The following RALY variants were observed in gnomAD, a reference collection of about 807,000 sequenced individuals.
RALY encodes RALY heterogeneous nuclear ribonucleoprotein.
RALY carries 15 observed loss-of-function variants against 30.7 expected under a neutral mutation model. The observed-to-expected ratio is 0.49, with a 90% CI of 0.33 to 0.75. The LOEUF is 0.75. Among genes scored for constraint, RALY ranks in the 30% least tolerant of loss-of-function variants. The probability of loss-of-function intolerance (pLI) is 0.02; values close to 1 mark genes in which losing one functional copy is unlikely to be tolerated. For missense variants in RALY, 339 were observed against 414.3 expected, an observed-to-expected ratio of 0.82 and a Z score of 1.58; for synonymous variants, 177 against 170.8, an observed-to-expected ratio of 1.04 and a Z score of -0.28.
intron 2 of RALY, among the ~76,000 whole-genome samples, chr20:34,032,529 G>A (rs2032324307): frequency 6.6e-6 from 1 of 151,806 alleles, no homozygotes; most frequent in African/African-American, 2.4e-5. Flanking sequence ...TTTTATTTTT[G>A]TTTTTGGGAG....
chr20:34,003,200 A>G (rs973096227), intron 1 of RALY, among the ~76,000 whole-genome samples: 6 of 152,144 alleles, frequency 3.9e-5, no homozygotes, highest in Admixed American at 1.3e-4. Context: ...GGTCTGGAAT[A>G]ATAAGGCCAT....
chr20:34,006,843 G>A (rs1338044778), intron 1 of RALY, among the ~76,000 whole-genome samples: 3 of 152,152 alleles, frequency 2.0e-5, no homozygotes, highest in Non-Finnish European at 4.4e-5. Flanking sequence ...GGATGAAATC[G>A]CCTAATGATG....
At chr20:34,016,700 T>C (rs753925095) in intron 1 of RALY, 6 of 152,274 alleles carry the variant, frequency 3.9e-5, no homozygotes. Flanking sequence ...CCTATACTCA[T>C]AAAGGACCCT....
chr20:34,064,073 A>G (rs2033496719), intron 2 of RALY, among the ~76,000 whole-genome samples: 2 of 152,204 alleles, frequency 1.3e-5, no homozygotes, highest in African/African-American at 4.8e-5. Flanking sequence ...TTGGATATTT[A>G]TAATTACAAT....
chr20:34,044,735 A>G (rs1367197939), intron 2 of RALY, among the ~76,000 whole-genome samples: 1 of 152,204 alleles, frequency 6.6e-6, no homozygotes, highest in African/African-American at 2.4e-5. Flanking sequence ...GGAGCTCCTG[A>G]GATGTTCCCC....
At position 34,010,174 on chromosome 20, in the gene RALY, G is replaced by T. The variant is rs1245923137; in HGVS notation, c.-93+16043G>T. ...GGTAGAGTGGAAGTGAGTCTGATGT[G>T]TCATGAAGGAAACCATGGACATTAA... On this transcript the variant is annotated intron_variant, in intron 1 of 9. Coordinates refer to ENST00000246194, the MANE Select transcript of RALY (RefSeq NM_016732.3). Among the ~76,000 whole-genome samples, 12 of 152,258 alleles carry T rather than the reference G, an allele frequency of 7.9e-5. No individual in the cohort carries two copies. The East Asian group carries it at 2.3e-3, about 29-fold the overall frequency.
intron 2 of RALY, among the ~76,000 whole-genome samples, chr20:34,066,463 A>C (rs1301451079): frequency 1.3e-5 from 2 of 152,116 alleles, no homozygotes; most frequent in Non-Finnish European, 2.9e-5. Flanking sequence ...TGGGCAACAG[A>C]TGTCTGGTGA....
rs1332077445 is a variant in RALY, at chr20:33,994,535, G to A, written c.-93+404G>A. Among the ~76,000 whole-genome samples the A allele has an allele frequency of 2.6e-5, 4 of 152,246 alleles. No individual in the cohort carries two copies. The East Asian group carries it at 5.8e-4, about 22-fold the overall frequency. ...CTCCGGGGAGGCCGCAGGCGGGCCC[G>A]GCCGCGGCTGCTTCCGGCTCTCCTA... On this transcript the variant is annotated intron_variant, in intron 1 of 9. Coordinates refer to ENST00000246194, the MANE Select transcript of RALY (RefSeq NM_016732.3).
intron 2 of RALY, among the ~76,000 whole-genome samples, chr20:34,045,634 A>G (rs1480813105): frequency 1.3e-5 from 2 of 152,312 alleles, no homozygotes; most frequent in African/African-American, 2.4e-5. Context: ...GCTCTCTGCC[A>G]TCTTCTGTCT....
At chr20:34,073,490 G>A (rs1315665749) in intron 3 of RALY, 73 bp from the exon 4 acceptor site, 28 of 1,356,122 alleles carry the variant, frequency 2.1e-5, no homozygotes, top group African/African-American at 4.3e-5. Context: ...ATTGCTGTGC[G>A]TGTGCATGAG....
chr20:34,035,185 A>AAAAAAAAAC (rs2032448402), intron 2 of RALY, among the ~76,000 whole-genome samples: 1 of 142,594 alleles, frequency 7.0e-6, no homozygotes, highest in Non-Finnish European at 1.5e-5. Context: ...AAAAAAAAAA[A>AAAAAAAAAC]AACAGTCTGG....
At position 34,077,145 on chromosome 20, in the gene RALY, A is replaced by G; in HGVS notation, c.776A>G (p.Gln259Arg). The G allele has an allele frequency of 1.9e-6, 3 of 1,612,946 alleles. No individual in the cohort carries two copies. The highest frequency in any genetic ancestry group is 1.7e-4 in the Middle Eastern group (1 of 6,044). ...GGGSSRPPAP[Q>R]ENTTSEAGLP... is the part of the protein sequence containing the mutation. ...GGCAGCAGCCGGCCACCAGCCCCCC[A>G]AGAGAACACAACTTCTGAGGCAGGC... is the stretch of plus-strand genomic sequence containing the variant. Residue 259 changes from glutamine to arginine, a missense_variant, in exon 8 of 10, where the codon CAA becomes CGA. Coordinates refer to ENST00000246194, the MANE Select transcript of RALY (RefSeq NM_016732.3).
intron 2 of RALY, among the ~76,000 whole-genome samples, chr20:34,034,541 C>T (rs1162836248): frequency 3.9e-5 from 6 of 152,096 alleles, no homozygotes; most frequent in East Asian, 1.9e-4. Context: ...AATGATTCCA[C>T]GTAAATAAGT....
intron 1 of RALY, among the ~76,000 whole-genome samples, chr20:34,026,786 C>T (rs1255318721): frequency 6.6e-6 from 1 of 152,094 alleles, no homozygotes; most frequent in Non-Finnish European, 1.5e-5. Context: ...TCTCCCTTGA[C>T]TTGTGAAAAC....
chr20:34,057,719 A>T (rs544557602), intron 2 of RALY, among the ~76,000 whole-genome samples: 4 of 152,230 alleles, frequency 2.6e-5, no homozygotes, highest in African/African-American at 9.6e-5. Flanking sequence ...AAACAAAGAA[A>T]TGATATGGTA....
chr20:34,076,238 G>C (rs576235292), intron 6 of RALY, 198 bp downstream of exon 6: 1 of 707,596 alleles, frequency 1.4e-6, no homozygotes, highest in East Asian at 2.8e-5. Flanking sequence ...GTTGGGCACA[G>C]AGAGTCCAGT....
chr20:34,015,527 T>G (rs542187944), intron 1 of RALY, among the ~76,000 whole-genome samples: 5 of 152,326 alleles, frequency 3.3e-5, no homozygotes, highest in Admixed American at 6.5e-5. Context: ...CTTGTGAAGC[T>G]GAGAAGTAAT....
rs80055032 is a variant in RALY at position 34,022,636 on chromosome 20, A to G, written c.-92-8886A>G. ...TCCCTGCCACTCTACTGAGCCTCCT[A>G]TGCCTCACTTCCTTTTTCCTTCAGC... On this transcript the variant is annotated intron_variant, in intron 1 of 9. Transcript: ENST00000246194. Among the ~76,000 whole-genome samples, 223 of 152,210 alleles carry G rather than the reference A, an allele frequency of 1.5e-3. 1 individual carries two copies. The highest frequency in any genetic ancestry group is 5.2e-3 in the African/African-American group (215 of 41,544).
At chr20:34,039,151 G>A (rs916622495) in intron 2 of RALY, among the ~76,000 whole-genome samples, 1 of 152,184 alleles carries the variant, frequency 6.6e-6, no homozygotes, top group African/African-American at 2.4e-5. Flanking sequence ...TCTCAACTTC[G>A]GTCCTGCTTA....
Sources: gnomAD v4.1 joint callset for allele counts (sites outside exome capture counted in the v4.1 genomes callset) on GRCh38, gnomAD v4.1.1 for gene constraint, MANE v1.5 for transcripts, NCBI Gene and HGNC (gene_info 2026-07-23, HGNC 2026-07-21) for gene names.